The following COL4A6 variants were observed in gnomAD, a reference collection of about 807,000 sequenced individuals.
COL4A6 encodes collagen alpha-6(IV) chain.
Under a neutral mutation model 126.7 loss-of-function variants are expected in COL4A6, and 59 were observed. The observed-to-expected ratio is 0.47, with a 90% CI of 0.38 to 0.58. The LOEUF is 0.58. Among genes scored for constraint, COL4A6 ranks in the 20% least tolerant of loss-of-function variants. The probability of loss-of-function intolerance (pLI) is 0.00; values close to 1 mark genes in which losing one functional copy is unlikely to be tolerated. For synonymous variants in COL4A6, 547 were observed against 496.6 expected, an observed-to-expected ratio of 1.10 and a Z score of -1.35; for missense variants, 1,285 against 1,337.3, an observed-to-expected ratio of 0.96 and a Z score of 0.61.
At chrX:108,224,693 G>A (rs1025285882) in intron 3 of COL4A6, among the ~76,000 whole-genome samples, 2 of 112,004 alleles carry the variant, frequency 1.8e-5, no homozygotes, top group African/African-American at 6.5e-5. Context: ...TCTGCGGGTT[G>A]TTTTGTCATC....
chrX:108,259,783 G>A (rs2037110976), intron 3 of COL4A6, among the ~76,000 whole-genome samples: 1 of 111,696 alleles, frequency 9.0e-6, no homozygotes, highest in Non-Finnish European at 1.9e-5. Context: ...TGCCCTAGCT[G>A]CTTGATGCTA....
chrX:108,220,033 C>T (rs755560070), intron 4 of COL4A6, among the ~76,000 whole-genome samples: 2 of 110,882 alleles, frequency 1.8e-5, no homozygotes, highest in Non-Finnish European at 3.8e-5. Context: ...AACTGGAGAA[C>T]CTTGAATGAC....
chrX:108,431,227 A>G (rs1422361799), intron 2 of COL4A6, among the ~76,000 whole-genome samples: 2 of 112,034 alleles, frequency 1.8e-5, no homozygotes, highest in Admixed American at 1.9e-4. Context: ...ATATTTGTTG[A>G]ATTAATAGCA....
At chrX:108,272,121 G>A (rs1338273493) in intron 3 of COL4A6, among the ~76,000 whole-genome samples, 1 of 110,660 alleles carries the variant, frequency 9.0e-6, no homozygotes, top group Non-Finnish European at 1.9e-5. Flanking sequence ...GATCTGTCCT[G>A]CCCCTCTCTG....
intron 3 of COL4A6, among the ~76,000 whole-genome samples, chrX:108,257,237 G>C (rs1234436717): frequency 8.9e-6 from 1 of 111,944 alleles, no homozygotes; most frequent in Non-Finnish European, 1.9e-5. Flanking sequence ...ACATTGACAT[G>C]GGTGAAATAA....
intron 2 of COL4A6, among the ~76,000 whole-genome samples, chrX:108,430,028 A>G (rs769804288): frequency 2.7e-5 from 3 of 112,125 alleles, no homozygotes; most frequent in East Asian, 5.6e-4. Context: ...ACGTAGTCAT[A>G]TAAGCATAGG....
intron 2 of COL4A6, among the ~76,000 whole-genome samples, chrX:108,432,560 G>A (rs1180079190): frequency 8.9e-6 from 1 of 112,304 alleles, no homozygotes; most frequent in African/African-American, 3.2e-5. Context: ...AGGAGGCCGG[G>A]TGCGGTGGCT....
At chrX:108,298,611 A>G (rs138141519) in intron 3 of COL4A6, among the ~76,000 whole-genome samples, 3,299 of 110,927 alleles carry the variant, frequency 0.03, 122 homozygotes, top group African/African-American at 0.1. Flanking sequence ...TGAAGAGCCC[A>G]TGCTGATCCC....
chrX:108,179,589 CA>C (rs2034618450), intron 25 of COL4A6, 151 bp from the exon 26 acceptor site: 8 of 496,413 alleles, frequency 1.6e-5, no homozygotes, highest in Non-Finnish European at 2.3e-5. Context: ...TCTGTTCCTG[CA>C]AGGCCTTGTG....
upstream of COL4A6, among the ~76,000 whole-genome samples, chrX:108,438,693 G>A (rs2064320475): frequency 8.9e-6 from 1 of 112,820 alleles, no homozygotes; most frequent in Non-Finnish European, 1.9e-5. Flanking sequence ...AAGACAGATG[G>A]GCCCGAAAGT....
chrX:108,316,455 G>T (rs775870328), intron 2 of COL4A6, among the ~76,000 whole-genome samples: 1 of 111,921 alleles, frequency 8.9e-6, no homozygotes, highest in Non-Finnish European at 1.9e-5. Flanking sequence ...AGGGTAGGAA[G>T]TGTTGGGGTT....
intron 22 of COL4A6, 64 bp downstream of exon 22, chrX:108,187,784 G>GAC: frequency 9.4e-7 from 1 of 1,059,748 alleles, no homozygotes; most frequent in Non-Finnish European, 1.3e-6. Flanking sequence ...GTGGCCATCA[G>GAC]ACCCCCCAAC....
At chrX:108,376,235 G>C (rs1292199089) in intron 2 of COL4A6, among the ~76,000 whole-genome samples, 5 of 111,333 alleles carry the variant, frequency 4.5e-5, no homozygotes, top group South Asian at 3.8e-4. Flanking sequence ...AGACAAAGAT[G>C]CCTGTGCTTT....
intron 3 of COL4A6, among the ~76,000 whole-genome samples, chrX:108,294,033 A>T (rs945047494): frequency 8.9e-6 from 1 of 112,327 alleles, no homozygotes; most frequent in Non-Finnish European, 1.9e-5. Context: ...AATAACTACC[A>T]GCATTTATTG....
intron 31 of COL4A6, among the ~76,000 whole-genome samples, chrX:108,173,495 T>C (rs1750167998): frequency 9.5e-6 from 1 of 105,041 alleles, no homozygotes; most frequent in African/African-American, 3.4e-5. Context: ...TGTGTGTGTG[T>C]GTGCACGCAC....
intron 37 of COL4A6, among the ~76,000 whole-genome samples, chrX:108,165,902 T>TACAGAACGTAGGCC (rs1192245804): frequency 2.0e-4 from 22 of 112,687 alleles, no homozygotes; most frequent in Non-Finnish European, 3.7e-4. Flanking sequence ...GCACAAAGGT[T>TACAGAACGTAGGCC]ACAGAACGTA....
chrX:108,157,084 C>G lies in COL4A6; in HGVS notation c.4989G>C (p.Gly1663=). 8.3e-7 allele frequency: 1 copy of G among 1,211,664 alleles called. No homozygotes were observed. The highest frequency in any genetic ancestry group is 1.1e-6 in the Non-Finnish European group (1 of 895,373). ...LTTVEERQQF[G]ELPVSETLKA... is the part of the protein sequence containing the mutation. ...TCAGCGTTTCAGACACAGGCAACTC[C>G]CCAAACTGCTGCCTCTCCTCCACTG... is the stretch of plus-strand genomic sequence containing the variant. Residue 1663 remains glycine, a synonymous_variant, in exon 45 of 45, where the codon GGG becomes GGC. Transcript: ENST00000334504.
chrX:108,175,685 T>C lies in COL4A6; in HGVS notation c.2799A>G (p.Pro933=), dbSNP rs762144609. 8 of 1,205,308 alleles carry C rather than the reference T, an allele frequency of 6.6e-6. No homozygotes were observed. Among genetic ancestry groups the C allele is most frequent in the Non-Finnish European group, 6.7e-6 (6 of 892,127 alleles). Residue 933 remains proline, a synonymous_variant, in exon 29 of 45, where the codon CCA becomes CCG. Coordinates refer to ENST00000334504, the MANE Select transcript of COL4A6 (RefSeq NM_033641.4). Reference sequence around the variant, plus strand: ...CACCAGGAGTACCAGCACGTCCAGATGGTCCCATTTTTCCAGTTGATCCTG... The same window carrying C: ...CACCAGGAGTACCAGCACGTCCAGACGGTCCCATTTTTCCAGTTGATCCTG... The part of the protein sequence containing the change: ...GIPGSTGKMG[P]SGRAGTPGEK...
In COL4A6 at chrX:108,356,520, G is replaced by T. The variant is rs185107750; in HGVS notation, c.64-45692C>A. 5.0e-3 allele frequency among the ~76,000 whole-genome samples: 553 copies of T among 110,599 alleles called. 2 individuals carry two copies. Among genetic ancestry groups the T allele is most frequent in the East Asian group, 0.035 (122 of 3,505 alleles). Reference sequence around the variant, plus strand: ...AGCTAGGCTCCTAGGAAGTAAATAGGTTTGAAGGGTGAAAAACTCACTTCA... The same window carrying T: ...AGCTAGGCTCCTAGGAAGTAAATAGTTTTGAAGGGTGAAAAACTCACTTCA... On this transcript the variant is annotated intron_variant, in intron 2 of 44. Coordinates refer to ENST00000334504, the MANE Select transcript of COL4A6 (RefSeq NM_033641.4).
Sources: allele counts gnomAD v4.1 joint callset (sites outside exome capture counted in the v4.1 genomes callset), GRCh38; gene constraint gnomAD v4.1.1; transcripts MANE v1.5; gene names NCBI Gene and HGNC (gene_info 2026-07-23, HGNC 2026-07-21).